Variants in GABRG2 observed in about 807,000 individuals in gnomAD.
GABRG2 encodes gamma-aminobutyric acid receptor subunit gamma-2.
In GABRG2, 16 loss-of-function variants were observed where a neutral mutation model predicts 56.4. That is an observed-to-expected ratio of 0.28 (90% CI 0.19 to 0.43). The LOEUF (loss-of-function observed/expected upper bound fraction) is 0.43, where lower values mean the gene tolerates loss of function less well. GABRG2 is among the 20% of genes least tolerant of loss of function. The pLI is 1.00. For missense variants in GABRG2, 327 were observed against 582.7 expected (o/e 0.56, Z 4.52); for synonymous variants, 208 against 205.5 (o/e 1.01, Z -0.10).
chr5:162,098,807 G>A (rs1042263113), intron 4 of GABRG2: 1 of 151,970 alleles, frequency 6.6e-6, no homozygotes, highest in African/African-American at 2.4e-5. Context: ...GAAATTATTG[G>A]GAAAGAAAGC....
chr5:162,086,711 A>G (rs1310935902), intron 1 of GABRG2, among the ~76,000 whole-genome samples: 1 of 151,992 alleles, frequency 6.6e-6, no homozygotes, highest in African/African-American at 2.4e-5. Context: ...GCCCATGTAT[A>G]TAATGTCTAG....
chr5:162,106,368 G>T lies in GABRG2; in HGVS notation c.769+2342G>T, dbSNP rs957521072. Reference sequence around the variant, plus strand: ...CTCACCCTGCTGGTTTGTATTTTGTGTGTAGTACTATTTCAACGGGCTCGG... The same window carrying T: ...CTCACCCTGCTGGTTTGTATTTTGTTTGTAGTACTATTTCAACGGGCTCGG... On this transcript the variant is annotated intron_variant, in intron 6 of 9. Coordinates refer to ENST00000639213, the MANE Select transcript of GABRG2 (RefSeq NM_198904.4). Among the ~76,000 whole-genome samples the T allele has an allele frequency of 4.2e-4, 64 of 152,122 alleles. 1 individual carries two copies. Among genetic ancestry groups the T allele is most frequent in the South Asian group, 8.3e-4 (4 of 4,828 alleles).
At chr5:162,133,937 A>G (rs1470868017) in intron 6 of GABRG2, among the ~76,000 whole-genome samples, 1 of 152,128 alleles carries the variant, frequency 6.6e-6, no homozygotes. Context: ...CAGACAAATG[A>G]GTTTTCAGCT....
At chr5:162,137,780 C>G (rs1323429769) in intron 6 of GABRG2, among the ~76,000 whole-genome samples, 2 of 151,920 alleles carry the variant, frequency 1.3e-5, no homozygotes, top group African/African-American at 4.8e-5. Context: ...CACTGGAGTG[C>G]AGGAGTCTGA....
intron 3 of GABRG2, among the ~76,000 whole-genome samples, chr5:162,096,707 C>T (rs1447712660): frequency 6.7e-6 from 1 of 150,036 alleles, no homozygotes; most frequent in Non-Finnish European, 1.5e-5. Flanking sequence ...AGGCAAAAGA[C>T]TCAGGCCTAA....
chr5:162,100,208 A>C (rs916824739), intron 4 of GABRG2: 7 of 152,118 alleles, frequency 4.6e-5, no homozygotes, highest in African/African-American at 1.7e-4. Context: ...ATAGTTAATT[A>C]AGGTCTCAAT....
At chr5:162,119,715 C>G (rs1247175230) in intron 6 of GABRG2, among the ~76,000 whole-genome samples, 1 of 152,140 alleles carries the variant, frequency 6.6e-6, no homozygotes, top group Non-Finnish European at 1.5e-5. Context: ...ATGCTTTTTA[C>G]TACAACGGAG....
At chr5:162,134,635 C>T (rs1159923216) in intron 6 of GABRG2, among the ~76,000 whole-genome samples, 1 of 152,146 alleles carries the variant, frequency 6.6e-6, no homozygotes, top group African/African-American at 2.4e-5. Flanking sequence ...GATATTTGCC[C>T]TTGCAGTGGA....
intron 7 of GABRG2, among the ~76,000 whole-genome samples, chr5:162,146,244 A>C (rs1764940057): frequency 6.6e-6 from 1 of 152,044 alleles, no homozygotes; most frequent in Non-Finnish European, 1.5e-5. Context: ...ATGGAGCTAA[A>C]ATACTGTGGT....
At chr5:162,107,577 A>G (rs1263661543) in intron 6 of GABRG2, among the ~76,000 whole-genome samples, 4 of 152,116 alleles carry the variant, frequency 2.6e-5, no homozygotes, top group Admixed American at 1.3e-4. Flanking sequence ...CTTTATTACT[A>G]CTTTATTTGT....
rs75713419 is a variant in GABRG2 at position 162,119,566 on chromosome 5, T to C, written c.769+15540T>C. Among the ~76,000 whole-genome samples the C allele has an allele frequency of 6.7e-3, 1,015 of 152,130 alleles. 85 individuals carry two copies. The East Asian group carries it at 0.17, about 25-fold the overall frequency. On this transcript the variant is annotated intron_variant, in intron 6 of 9. Transcript: ENST00000639213. ...GGGCCTCCCATGTTCCCAAATAGGG[T>C]TCAAGAAGGTAAATTTTCCTTGAGC... is the stretch of plus-strand genomic sequence containing the variant.
chr5:162,077,143 G>A (rs572913641), intron 1 of GABRG2, among the ~76,000 whole-genome samples: 6 of 150,334 alleles, frequency 4.0e-5, no homozygotes, highest in Admixed American at 4.0e-4. Context: ...GTTTTATTGT[G>A]CTTCTTTAAT....
chr5:162,124,593 G>A (rs1240659250), intron 6 of GABRG2, among the ~76,000 whole-genome samples: 9 of 151,694 alleles, frequency 5.9e-5, no homozygotes, highest in African/African-American at 2.2e-4. Context: ...CCTCCAGGGT[G>A]GAGTTAAAGG....
intron 6 of GABRG2, among the ~76,000 whole-genome samples, chr5:162,114,026 C>A (rs76828525): frequency 0.012 from 1,902 of 152,264 alleles, 48 homozygotes; most frequent in African/African-American, 0.043. Flanking sequence ...TGACTCCTGC[C>A]TATAGCAGGG....
chr5:162,145,998 A>T (rs1485873504), intron 7 of GABRG2, among the ~76,000 whole-genome samples: 2 of 152,176 alleles, frequency 1.3e-5, no homozygotes, highest in East Asian at 3.8e-4. Flanking sequence ...ATTTATTAGG[A>T]TTTTACAAGG....
At position 162,153,269 on chromosome 5, in the gene GABRG2, T is replaced by C; in HGVS notation, c.1329T>C (p.His443=). ...GAGCTTGGAGACATGGGAGGATACA[T>C]ATCCGCATTGCCAAAATGGACTCCT... ...RTGAWRHGRI[H]IRIAKMDSYA... The change falls in exon 10 of 10, where the codon CAT becomes CAC. Residue 443 remains histidine, a synonymous_variant. Coordinates refer to ENST00000639213, the MANE Select transcript of GABRG2 (RefSeq NM_198904.4). 1.2e-6 allele frequency: 2 copies of C among 1,614,060 alleles called. No individual in the cohort carries two copies. The highest frequency in any genetic ancestry group is 1.7e-6 in the Non-Finnish European group (2 of 1,179,960).
intron 6 of GABRG2, among the ~76,000 whole-genome samples, chr5:162,113,465 C>A (rs1762395808): frequency 6.6e-6 from 1 of 152,108 alleles, no homozygotes; most frequent in Non-Finnish European, 1.5e-5. Context: ...TCTTCCATGC[C>A]CACTACAAAC....
Position 162,149,008 on chromosome 5 carries a change from TG to T in GABRG2, c.923-99del. ...ATACCTCCTTTCCCATTGCTGAAAC[TG>T]CCCATCAGAAGTCATGAAACAATGT... On this transcript the variant is annotated intron_variant, in intron 7 of 9. Coordinates refer to ENST00000639213, the MANE Select transcript of GABRG2 (RefSeq NM_198904.4). 9 of 1,024,666 alleles carry T rather than the reference TG, an allele frequency of 8.8e-6. No homozygotes were observed. In the South Asian group the frequency reaches 1.2e-4, roughly 13 times the overall value. 63.5% of individuals were successfully genotyped at this position (1,024,666 alleles called of 1,614,324 possible).
At chr5:162,141,433 C>T (rs577708232) in intron 6 of GABRG2, among the ~76,000 whole-genome samples, 1 of 152,240 alleles carries the variant, frequency 6.6e-6, no homozygotes, top group East Asian at 1.9e-4. Flanking sequence ...TTCATTTGCA[C>T]GATTACTTGA....
Sources: allele counts gnomAD v4.1 joint callset (sites outside exome capture counted in the v4.1 genomes callset), GRCh38; gene constraint gnomAD v4.1.1; transcripts MANE v1.5; gene names NCBI Gene and HGNC (gene_info 2026-07-23, HGNC 2026-07-21).